The following SETD9 variants were observed in gnomAD, a reference collection of about 807,000 sequenced individuals.
SETD9 encodes SET domain containing 9.
In SETD9, 37 loss-of-function variants were observed where a neutral mutation model predicts 36.4. That is an observed-to-expected ratio of 1.02 (90% CI 0.78 to 1.34). The LOEUF (loss-of-function observed/expected upper bound fraction) is 1.34, where lower values mean the gene tolerates loss of function less well. Among genes scored for constraint, SETD9 ranks in the 40% most tolerant of loss-of-function variants. The pLI is 0.00. For synonymous variants in SETD9, 128 were observed against 132.9 expected, an observed-to-expected ratio of 0.96 and a Z score of 0.26; for missense variants, 323 against 353.2, an observed-to-expected ratio of 0.91 and a Z score of 0.69.
At chr5:56,914,382 T>C (rs904354413) in intron 4 of SETD9, among the ~76,000 whole-genome samples, 3 of 152,136 alleles carry the variant, frequency 2.0e-5, no homozygotes, top group Admixed American at 6.5e-5. Context: ...TCTTTAGGAG[T>C]TGACTTTCCC....
At chr5:56,923,240 C>T (rs767242426) in intron 5 of SETD9, 1 of 1,613,968 alleles carries the variant, frequency 6.2e-7, no homozygotes, top group African/African-American at 1.3e-5. Flanking sequence ...CATTTTGGCA[C>T]TGGTGATGTG....
intron 2 of SETD9, 21 bp from the exon 3 acceptor site, chr5:56,912,990 C>T: frequency 6.2e-7 from 1 of 1,606,682 alleles, no homozygotes; most frequent in East Asian, 2.2e-5. Flanking sequence ...TATCATATTT[C>T]TTTGTCTTGT....
chr5:56,914,095 G>A, intron 4 of SETD9, 106 bp downstream of exon 4: 1 of 690,482 alleles, frequency 1.4e-6, no homozygotes, highest in African/African-American at 1.7e-5. Flanking sequence ...CATATAATAA[G>A]CTAGTCAAGT....
At chr5:56,913,477 G>A (rs889143802) in intron 3 of SETD9, among the ~76,000 whole-genome samples, 3 of 151,226 alleles carry the variant, frequency 2.0e-5, no homozygotes, top group South Asian at 2.1e-4. Context: ...TCTGCCTCCC[G>A]GGTTCAAGTG....
chr5:56,921,624 C>T (rs1749677769), downstream of SETD9: 1 of 152,726 alleles, frequency 6.5e-6, no homozygotes, highest in African/African-American at 2.4e-5. Flanking sequence ...AATAAATACC[C>T]TCCCTTTCAA....
downstream of SETD9, chr5:56,928,561 T>C: frequency 2.6e-6 from 1 of 385,324 alleles, no homozygotes. Flanking sequence ...CAACTGTTTA[T>C]GTGAAAAGAT....
chr5:56,910,251 G>C, intron 1 of SETD9: 1 of 1,301,218 alleles, frequency 7.7e-7, no homozygotes, highest in South Asian at 1.2e-5. Flanking sequence ...GCCAAGCCAG[G>C]GTTTATTTTC....
At chr5:56,925,917 G>A (rs1259258468), downstream of SETD9, among the ~76,000 whole-genome samples, 3 of 152,060 alleles carry the variant, frequency 2.0e-5, no homozygotes, top group Non-Finnish European at 4.4e-5. Flanking sequence ...TAAAGGAACA[G>A]AAGAGAGAGC....
downstream of SETD9, among the ~76,000 whole-genome samples, chr5:56,927,460 T>G (rs1437841172): frequency 6.6e-6 from 1 of 152,136 alleles, no homozygotes; most frequent in Non-Finnish European, 1.5e-5. Context: ...CCCACCAAAA[T>G]GCTTCAGAAC....
At chr5:56,913,635 C>T (rs1749271477) in intron 3 of SETD9, among the ~76,000 whole-genome samples, 1 of 152,130 alleles carries the variant, frequency 6.6e-6, no homozygotes, top group South Asian at 2.1e-4. Context: ...CTGCCTGCCT[C>T]AGCCTCCCAA....
downstream of SETD9, chr5:56,922,077 A>T (rs1749699602): frequency 6.6e-6 from 1 of 152,664 alleles, no homozygotes; most frequent in Admixed American, 6.5e-5. Context: ...AAAAGCTTAA[A>T]TATACTTCAA....
chr5:56,912,384 C>A (rs908971985), intron 2 of SETD9: 2 of 394,886 alleles, frequency 5.1e-6, no homozygotes, highest in Non-Finnish European at 6.9e-6. Context: ...GTCAGATAGA[C>A]CCAGGTTTTT....
chr5:56,924,936 A>T (rs1749888431), intron 5 of SETD9, among the ~76,000 whole-genome samples: 1 of 152,208 alleles, frequency 6.6e-6, no homozygotes, highest in Non-Finnish European at 1.5e-5. Context: ...TTCAATAAAC[A>T]TCATTAACTA....
rs760911242 is a variant in SETD9 at position 56,909,700 on chromosome 5, C to T, written c.55C>T (p.Arg19Cys). ...GCAGCGATGGCGCCGTTACAAGTAC[C>T]GCTTCGTTCCCTGGATCGCACTGAA... ...LWQRWRRYKY[R>C]FVPWIALNLS... The change falls in exon 1 of 6, where the codon CGC (arginine) becomes TGC (cysteine). Residue 19 changes from arginine (R) to cysteine (C), a missense_variant. Transcript: ENST00000285947. 2 of 1,611,152 alleles carry T rather than the reference C, an allele frequency of 1.2e-6. No homozygotes were observed. Among genetic ancestry groups the T allele is most frequent in the East Asian group, 2.2e-5 (1 of 44,660 alleles).
intron 1 of SETD9, 171 bp from the exon 2 acceptor site, chr5:56,910,998 T>A: frequency 1.7e-6 from 1 of 603,598 alleles, no homozygotes; most frequent in Non-Finnish European, 2.6e-6. Context: ...GTGTTGGGAG[T>A]TAGCTAACTA....
chr5:56,927,762 T>G (rs773099646), downstream of SETD9: 2 of 152,212 alleles, frequency 1.3e-5, no homozygotes, highest in African/African-American at 4.8e-5. Context: ...CTCTTGATGA[T>G]GTACATTCTA....
downstream of SETD9, among the ~76,000 whole-genome samples, chr5:56,918,661 C>T (rs780906953): frequency 6.6e-6 from 1 of 152,156 alleles, no homozygotes; most frequent in Non-Finnish European, 1.5e-5. Context: ...ACCACAGAGC[C>T]CTATGTGCTA....
rs1042150927 is a variant in SETD9 at position 56,916,883 on chromosome 5, A to G, written c.881A>G (p.Tyr294Cys). 1.5e-5 allele frequency: 24 copies of G among 1,605,238 alleles called. No homozygotes were observed. Among genetic ancestry groups the G allele is most frequent in the African/African-American group, 4.0e-5 (3 of 74,666 alleles). The change falls in exon 6 of 6, where the codon TAC becomes TGC. Residue 294 changes from tyrosine to cysteine, a missense_variant. Physicochemically the swap from Tyr to Cys is radical, Grantham distance 194. Transcript: ENST00000285947. ...CAAGGAGAAGAGCTTTTTTCAAACT[A>G]CTACACAATTGTCAGCTAACTCTGT... ...INQGEELFSN[Y>C]YTIVS is the part of the protein sequence containing the mutation.
chr5:56,923,394 A>C, intron 5 of SETD9: 1 of 1,614,166 alleles, frequency 6.2e-7, no homozygotes, highest in Non-Finnish European at 8.5e-7. Flanking sequence ...TTTAGCTCCG[A>C]GTGATAAAAT....
Sources: gnomAD v4.1 joint callset for allele counts (sites outside exome capture counted in the v4.1 genomes callset) on GRCh38, gnomAD v4.1.1 for gene constraint, MANE v1.5 for transcripts, NCBI Gene and HGNC (gene_info 2026-07-23, HGNC 2026-07-21) for gene names.